The following CD22 variants were observed in gnomAD, a reference collection of about 807,000 sequenced individuals.
CD22 encodes B-cell receptor CD22.
Under a neutral mutation model 94.7 loss-of-function variants are expected in CD22, and 51 were observed. The observed-to-expected ratio is 0.54, with a 90% CI of 0.43 to 0.68. The LOEUF (loss-of-function observed/expected upper bound fraction) is 0.68, where lower values mean the gene tolerates loss of function less well. Among genes scored for constraint, CD22 ranks in the 30% least tolerant of loss-of-function variants. The pLI is 0.00. For missense variants in CD22, 931 were observed against 1,060.4 expected, an observed-to-expected ratio of 0.88 and a Z score of 1.69; for synonymous variants, 424 against 422.5, an observed-to-expected ratio of 1.00 and a Z score of -0.04.
Position 35,346,822 on chromosome 19 carries a change from ACACACACACACACACT to A in CD22, c.*129_*144del. ...TGCGCACACACACACACACACGCAC[ACACACACACACACACT>A]CACTGCGGAGAACCTTGTGCCTGGC... On this transcript the variant is annotated 3_prime_UTR_variant, in exon 14 of 14. Coordinates refer to ENST00000085219, the MANE Select transcript of CD22 (RefSeq NM_001771.4). The A allele has an allele frequency of 1.3e-6, 1 of 747,616 alleles. No homozygotes were observed. The highest frequency in any genetic ancestry group is 3.1e-5 in the East Asian group (1 of 31,864). 46.3% of individuals were successfully genotyped at this position (747,616 alleles called of 1,614,324 possible).
chr19:35,345,595 C>T lies in CD22; in HGVS notation c.2209-7C>T. On this transcript the variant is annotated splice_polypyrimidine_tract_variant and splice_region_variant and intron_variant, in intron 11 of 13. Transcript: ENST00000085219. Reference sequence around the variant, plus strand: ...TGGTTAGCACTTCATCCTCGTCTCCCTCCCAGGTTAGAAGGGCCCCCCTCT... The same window carrying T: ...TGGTTAGCACTTCATCCTCGTCTCCTTCCCAGGTTAGAAGGGCCCCCCTCT... 6.4e-7 allele frequency: 1 copy of T among 1,566,402 alleles called. No homozygotes were observed. The highest frequency in any genetic ancestry group is 1.7e-4 in the Middle Eastern group (1 of 5,952).
At chr19:35,339,853 CA>C (rs371029885) in intron 6 of CD22, among the ~76,000 whole-genome samples, 1 of 148,780 alleles carries the variant, frequency 6.7e-6, no homozygotes, top group African/African-American at 2.5e-5. Flanking sequence ...ATTCTGTCTC[CA>C]AAAAAAAAGA....
rs750283328 is a variant in CD22 at position 35,341,446 on chromosome 19, A to T, written c.1611A>T (p.Lys537Asn). 1.2e-6 allele frequency: 2 copies of T among 1,614,132 alleles called. No individual in the cohort carries two copies. The highest frequency in any genetic ancestry group is 2.2e-5 in the South Asian group (2 of 91,086). The change falls in exon 8 of 14, where the codon AAA (lysine) becomes AAT (asparagine). Residue 537 changes from lysine (K) to asparagine (N), a missense_variant. Transcript: ENST00000085219. This position sits in a 1 kb window ranked among gnomAD's most constrained non-coding sequence, Gnocchi z 4.0. ...GTGACTTCTCAAGCAGCCACCCCAA[A>T]GAAGTCCAGTTCTTCTGGGAGAAAA... ...LQCDFSSSHP[K>N]EVQFFWEKNG...
chr19:35,345,104 GCTT>G lies in CD22; in HGVS notation c.2190_2192del (p.Phe731del). On this transcript the variant is annotated inframe_deletion, in exon 11 of 14. Coordinates refer to ENST00000085219, the MANE Select transcript of CD22 (RefSeq NM_001771.4). ...CTTCAGGAGAATTCCAGCGGCCAGA[GCTT>G]CTTTGTGAGGAATAAAAAGGTAGGA... 6.2e-7 allele frequency: 1 copy of G among 1,613,926 alleles called. No individual in the cohort carries two copies.
At position 35,341,584 on chromosome 19, in the gene CD22, G is replaced by A. The variant is rs756634972; in HGVS notation, c.1749G>A (p.Lys583=). 4 of 1,612,428 alleles carry A rather than the reference G, an allele frequency of 2.5e-6. No individual in the cohort carries two copies. The highest frequency in any genetic ancestry group is 3.4e-6 in the Non-Finnish European group (4 of 1,178,616). Reference sequence around the variant, plus strand: ...ACTCCATAGGACAGACAGCGTCCAAGGCCTGGACACTTGAAGTGCTGTGTG... The same window carrying A: ...ACTCCATAGGACAGACAGCGTCCAAAGCCTGGACACTTGAAGTGCTGTGTG... ...VNNSIGQTAS[K]AWTLEVLYAP... Residue 583 remains lysine, a synonymous_variant, in exon 8 of 14, where the codon AAG becomes AAA. Transcript: ENST00000085219. The surrounding 1 kb of genome is among the most constrained non-coding windows in gnomAD (Gnocchi z 4.0).
At position 35,346,210 on chromosome 19, in the gene CD22, A is replaced by C; in HGVS notation, c.2387A>C (p.Tyr796Ser). The C allele has an allele frequency of 3.1e-6, 5 of 1,614,034 alleles. No individual in the cohort carries two copies. Among genetic ancestry groups the C allele is most frequent in the Non-Finnish European group, 4.2e-6 (5 of 1,179,918 alleles). Residue 796 changes from tyrosine (Y) to serine (S), a missense_variant, in exon 13 of 14, where the codon TAT (tyrosine) becomes TCT (serine). Physicochemically the swap from Tyr to Ser is moderately radical, Grantham distance 144. Transcript: ENST00000085219. ...PPPDCDDTVTYSALHKRQVGD... is the reference protein window; with the variant it reads ...PPPDCDDTVTSSALHKRQVGD... Reference sequence around the variant, plus strand: ...CCGGACTGCGATGACACGGTCACTTATTCAGCATTGCACAAGCGCCAAGTG... The same window carrying C: ...CCGGACTGCGATGACACGGTCACTTCTTCAGCATTGCACAAGCGCCAAGTG...
chr19:35,346,322 A>G (rs1228314925), intron 13 of CD22, 87 bp downstream of exon 13: 1 of 1,259,948 alleles, frequency 7.9e-7, no homozygotes, highest in African/African-American at 1.5e-5. Flanking sequence ...CCACATAGGA[A>G]GGAGTTGGGT....
intron 4 of CD22, chr19:35,336,632 T>G: frequency 2.3e-6 from 1 of 436,068 alleles, no homozygotes; most frequent in Non-Finnish European, 4.2e-6. Context: ...TTGTGCCTCA[T>G]TCATTCAATA....
rs538445008 is a variant in CD22 at position 35,333,917 on chromosome 19, T to C, written c.412+993T>C. ...CCAGTGAAATCTCCCAGCATGTTAA[T>C]GTTCATGGCAAGTTCTCATGAGCTC... On this transcript the variant is annotated intron_variant, in intron 3 of 13. Transcript: ENST00000085219. Among the ~76,000 whole-genome samples the C allele has an allele frequency of 9.8e-5, 15 of 152,312 alleles. No homozygotes were observed. In the East Asian group the frequency reaches 2.9e-3, roughly 29 times the overall value.
Position 35,332,580 on chromosome 19 carries a change from A to C in CD22, c.68A>C (p.Lys23Thr). Residue 23 changes from lysine to threonine, a missense_variant, in exon 3 of 14, where the codon AAA becomes ACA. Physicochemically the swap from Lys to Thr is moderately conservative, Grantham distance 78. Coordinates refer to ENST00000085219, the MANE Select transcript of CD22 (RefSeq NM_001771.4). Reference sequence around the variant, plus strand: ...TACTTGGCTTTCTCTGACTCAAGTAAATGGGTTTTTGAGCACCCTGAAACC... The same window carrying C: ...TACTTGGCTTTCTCTGACTCAAGTACATGGGTTTTTGAGCACCCTGAAACC... ...LEYLAFSDSSKWVFEHPETLY... is the reference protein window; with the variant it reads ...LEYLAFSDSSTWVFEHPETLY... The C allele has an allele frequency of 6.2e-7, 1 of 1,613,796 alleles. No homozygotes were observed. The highest frequency in any genetic ancestry group is 8.5e-7 in the Non-Finnish European group (1 of 1,179,866).
In CD22 at chr19:35,346,610, G is replaced by T. The variant is rs1486988765; in HGVS notation, c.2457G>T (p.Gly819=). 1.2e-6 allele frequency: 2 copies of T among 1,606,182 alleles called. No individual in the cohort carries two copies. Among genetic ancestry groups the T allele is most frequent in the Non-Finnish European group, 1.7e-6 (2 of 1,175,984 alleles). The change falls in exon 14 of 14, where the codon GGG becomes GGT. Residue 819 remains glycine (G), a synonymous_variant. Transcript: ENST00000085219. ...NVIPDFPEDE[G]IHYSELIQFG... is the part of the protein sequence containing the mutation. ...TTCCAGATTTTCCAGAAGATGAGGGGATTCATTACTCAGAGCTGATCCAGT... is the reference window on the plus strand; with the variant it reads ...TTCCAGATTTTCCAGAAGATGAGGGTATTCATTACTCAGAGCTGATCCAGT...
chr19:35,342,057 T>TTCCTTCCTTCCTTCCTTCCTTC (rs1568490226), intron 9 of CD22, 92 bp downstream of exon 9: 6 of 752,772 alleles, frequency 8.0e-6, no homozygotes, highest in Non-Finnish European at 5.8e-6. Context: ...TTCCTTCCTT[T>TTCCTTCCTTCCTTCCTTCCTTC]CTTTCTCTCT....
At chr19:35,339,875 G>T (rs1273690327) in intron 6 of CD22, among the ~76,000 whole-genome samples, 2 of 152,080 alleles carry the variant, frequency 1.3e-5, no homozygotes, top group African/African-American at 4.8e-5. Flanking sequence ...ATAATTAACT[G>T]CAAGATACCA....
At position 35,336,249 on chromosome 19, in the gene CD22, A is replaced by G. The variant is rs755790598; in HGVS notation, c.626A>G (p.Gln209Arg). ...FTRSELKFSP[Q>R]WSHHGKIVTC... Reference sequence around the variant, plus strand: ...CGGAGCGAGCTCAAGTTCTCCCCACAGTGGAGTCACCATGGGAAGATTGTG... The same window carrying G: ...CGGAGCGAGCTCAAGTTCTCCCCACGGTGGAGTCACCATGGGAAGATTGTG... The change falls in exon 4 of 14, where the codon CAG becomes CGG. Residue 209 changes from glutamine to arginine, a missense_variant. Physicochemically the swap from Gln to Arg is conservative, Grantham distance 43. Coordinates refer to ENST00000085219, the MANE Select transcript of CD22 (RefSeq NM_001771.4). 4.3e-6 allele frequency: 7 copies of G among 1,614,010 alleles called. No homozygotes were observed. The Admixed American group carries it at 1.2e-4, about 27-fold the overall frequency.
rs2145662865 is a variant in CD22, at chr19:35,338,450, T to C, written c.1249+19T>C. On this transcript the variant is annotated intron_variant, in intron 6 of 13. Transcript: ENST00000085219. ...GTCCAGTGTGAGTAGCCACGGAGCCTCTGGTTCTAGGGAGAGAAGATGGAC... is the reference window on the plus strand; with the variant it reads ...GTCCAGTGTGAGTAGCCACGGAGCCCCTGGTTCTAGGGAGAGAAGATGGAC... 1 of 1,604,750 alleles carries C rather than the reference T, an allele frequency of 6.2e-7. No homozygotes were observed. The highest frequency in any genetic ancestry group is 8.5e-7 in the Non-Finnish European group (1 of 1,174,428).
chr19:35,341,659 C>T lies in CD22; in HGVS notation c.1772-43C>T, dbSNP rs1243379833. 1 of 1,606,538 alleles carries T rather than the reference C, an allele frequency of 6.2e-7. No homozygotes were observed. The highest frequency in any genetic ancestry group is 8.5e-7 in the Non-Finnish European group (1 of 1,175,544). Reference sequence around the variant, plus strand: ...GAGCAGAGAAGGGACCAGTGGCCTGCCTGGTAGTGACTTCGCACCCCCTCC... The same window carrying T: ...GAGCAGAGAAGGGACCAGTGGCCTGTCTGGTAGTGACTTCGCACCCCCTCC... On this transcript the variant is annotated intron_variant, in intron 8 of 13. Coordinates refer to ENST00000085219, the MANE Select transcript of CD22 (RefSeq NM_001771.4). This position sits in a 1 kb window ranked among gnomAD's most constrained non-coding sequence, Gnocchi z 4.0.
intron 3 of CD22, among the ~76,000 whole-genome samples, chr19:35,333,297 C>G (rs1226208183): frequency 6.6e-6 from 1 of 152,182 alleles, no homozygotes; most frequent in South Asian, 2.1e-4. Context: ...AGCCTCAGCT[C>G]TCCCCCAGGC....
In CD22 at chr19:35,346,708, G is replaced by A. The variant is rs762819010; in HGVS notation, c.*11G>A. Reference sequence around the variant, plus strand: ...ATCCTCAAACATTGACACTGGATGGGCTGCAGCAGAGGCACTGGGGGCAGC... The same window carrying A: ...ATCCTCAAACATTGACACTGGATGGACTGCAGCAGAGGCACTGGGGGCAGC... On this transcript the variant is annotated 3_prime_UTR_variant, in exon 14 of 14. Coordinates refer to ENST00000085219, the MANE Select transcript of CD22 (RefSeq NM_001771.4). The A allele has an allele frequency of 1.3e-6, 2 of 1,597,418 alleles. No homozygotes were observed. Among genetic ancestry groups the A allele is most frequent in the Admixed American group, 3.4e-5 (2 of 58,474 alleles).
chr19:35,339,804 T>C (rs1599683377), intron 6 of CD22, among the ~76,000 whole-genome samples: 1 of 152,140 alleles, frequency 6.6e-6, no homozygotes, highest in South Asian at 2.1e-4. Flanking sequence ...TGCAATGAGC[T>C]GAGATCATGT....
Sources: gnomAD v4.1 joint callset for allele counts (sites outside exome capture counted in the v4.1 genomes callset) on GRCh38, gnomAD v4.1.1 for gene constraint, Gnocchi (gnomAD v3.1) non-coding constraint, MANE v1.5 for transcripts, NCBI Gene and HGNC (gene_info 2026-07-23, HGNC 2026-07-21) for gene names.